The following PCNT variants were observed in gnomAD, a reference collection of about 807,000 sequenced individuals.
The protein encoded by PCNT is pericentrin, also known as kendrin.
A neutral mutation model predicts 380.4 loss-of-function variants in PCNT; 319 were observed. That is an observed-to-expected ratio of 0.84 (90% CI 0.77 to 0.92). The LOEUF (loss-of-function observed/expected upper bound fraction) is 0.92, where lower values mean the gene tolerates loss of function less well. Among genes scored for constraint, PCNT ranks in the 40% least tolerant of loss-of-function variants. The probability of loss-of-function intolerance (pLI) is 0.00; values close to 1 mark genes in which losing one functional copy is unlikely to be tolerated. For missense variants in PCNT, 4,400 were observed against 4,255.3 expected (o/e 1.03, Z -0.95); for synonymous variants, 1,845 against 1,735.2 (o/e 1.06, Z -1.57).
chr21:46,370,911 T>A lies in PCNT; in HGVS notation c.3165+3772T>A, dbSNP rs1034981609. Among the ~76,000 whole-genome samples, 4 of 152,190 alleles carry A rather than the reference T, an allele frequency of 2.6e-5. No homozygotes were observed. The East Asian group carries it at 7.8e-4, about 29-fold the overall frequency. The stretch of plus-strand genomic sequence containing the variant: ...TTAGACAGGCATGGTGGTGGGCGCC[T>A]GTAGTCCCAGCTATTCTGGAGGTTG... On this transcript the variant is annotated intron_variant, in intron 15 of 46. Coordinates refer to ENST00000359568, the MANE Select transcript of PCNT (RefSeq NM_006031.6).
At chr21:46,355,731 C>A in intron 12 of PCNT, 105 bp downstream of exon 12, 1 of 1,116,342 alleles carries the variant, frequency 9.0e-7, no homozygotes, top group Non-Finnish European at 1.3e-6. Flanking sequence ...CGTGAAGCAG[C>A]TGAGTGCTCC....
intron 25 of PCNT, among the ~76,000 whole-genome samples, chr21:46,401,279 T>G (rs1253448661): frequency 6.6e-6 from 1 of 152,228 alleles, no homozygotes; most frequent in African/African-American, 2.4e-5. Context: ...TTGGTAATAG[T>G]TTGGTGAATA....
intron 15 of PCNT, among the ~76,000 whole-genome samples, chr21:46,380,485 G>A (rs753345237): frequency 1.3e-5 from 2 of 151,914 alleles, no homozygotes; most frequent in African/African-American, 2.4e-5. Flanking sequence ...TTTTGACACC[G>A]AGAGCTCTGA....
intron 9 of PCNT, among the ~76,000 whole-genome samples, chr21:46,351,811 T>C (rs2084284025): frequency 6.6e-6 from 1 of 152,156 alleles, no homozygotes; most frequent in Non-Finnish European, 1.5e-5. Flanking sequence ...GGGGGTGCCT[T>C]CATGTCTAAG....
chr21:46,366,805 C>T lies in PCNT; in HGVS notation c.2831C>T (p.Ala944Val), dbSNP rs1470724229. The change falls in exon 15 of 47, where the codon GCA becomes GTA. Residue 944 changes from alanine to valine, a missense_variant. Transcript: ENST00000359568. ...AGCAAGCAGGGGGCTCTGCTGGCTG[C>T]ACGTGTGGCCGAACTGCAGACAAAA... ...LESKQGALLA[A>V]RVAELQTKHA... 1 of 1,613,790 alleles carries T rather than the reference C, an allele frequency of 6.2e-7. No individual in the cohort carries two copies. The highest frequency in any genetic ancestry group is 1.1e-5 in the South Asian group (1 of 91,084).
At chr21:46,357,450 T>A (rs2084518553) in intron 13 of PCNT, among the ~76,000 whole-genome samples, 1 of 152,202 alleles carries the variant, frequency 6.6e-6, no homozygotes, top group Admixed American at 6.5e-5. Flanking sequence ...TCTTTTTGTT[T>A]TGTTTTGTTT....
intron 16 of PCNT, among the ~76,000 whole-genome samples, chr21:46,383,573 T>C (rs1384156238): frequency 3.5e-5 from 5 of 143,930 alleles, no homozygotes; most frequent in African/African-American, 1.0e-4. Context: ...GGAAGTGCAT[T>C]CACAGTGCTG....
intron 15 of PCNT, 118 bp downstream of exon 15, chr21:46,367,257 G>C: frequency 1.2e-6 from 1 of 826,060 alleles, no homozygotes; most frequent in Non-Finnish European, 2.0e-6. Flanking sequence ...GTGTCTGTGT[G>C]TCTCACAGGC....
intron 3 of PCNT, among the ~76,000 whole-genome samples, chr21:46,337,845 A>C (rs1171807929): frequency 1.3e-5 from 2 of 151,924 alleles, no homozygotes; most frequent in Non-Finnish European, 2.9e-5. Flanking sequence ...CGGCCTCCCA[A>C]AGTGCTAGGA....
At chr21:46,340,844 AT>A (rs553012767) in intron 3 of PCNT, among the ~76,000 whole-genome samples, 1 of 150,456 alleles carries the variant, frequency 6.6e-6, no homozygotes. Flanking sequence ...TAATTTTTGT[AT>A]TTTTTTTTAG....
In PCNT at chr21:46,428,473, C is replaced by T. The variant is rs143367154; in HGVS notation, c.7573C>T (p.Arg2525Cys). The change falls in exon 35 of 47, where the codon CGT becomes TGT. Residue 2525 changes from arginine to cysteine, a missense_variant. By Grantham distance (180) the Arg-to-Cys change is radical. Transcript: ENST00000359568. ...CCTGCTGTCCGAGATCCAGGCGCTGCGTGCCCAGCTGCGCATGACGCACCT... is the reference window on the plus strand; with the variant it reads ...CCTGCTGTCCGAGATCCAGGCGCTGTGTGCCCAGCTGCGCATGACGCACCT... ...SSLLSEIQAL[R>C]AQLRMTHLQN... 59 of 1,612,340 alleles carry T rather than the reference C, an allele frequency of 3.7e-5. No individual in the cohort carries two copies. Among genetic ancestry groups the T allele is most frequent in the Non-Finnish European group, 4.4e-5 (52 of 1,179,824 alleles).
intron 16 of PCNT, among the ~76,000 whole-genome samples, chr21:46,384,177 C>T (rs2085725634): frequency 6.9e-6 from 1 of 144,292 alleles, no homozygotes; most frequent in African/African-American, 2.5e-5. Context: ...GCAGCGGAAG[C>T]GCATTCACGG....
chr21:46,409,614 TTTTTTGACACTATC>T (rs2086721582), intron 27 of PCNT, among the ~76,000 whole-genome samples: 1 of 152,232 alleles, frequency 6.6e-6, no homozygotes, highest in African/African-American at 2.4e-5. Context: ...TTTATTTTTC[TTTTTTGACACTATC>T]TTGCTCTGTC....
chr21:46,324,279 G>C lies in PCNT; in HGVS notation c.51G>C (p.Thr17=), dbSNP rs772286933. 9.3e-6 allele frequency: 15 copies of C among 1,610,376 alleles called. No individual in the cohort carries two copies. In the Middle Eastern group the frequency reaches 8.3e-4, roughly 89 times the overall value. Residue 17 remains threonine (T), a synonymous_variant, in exon 1 of 47, where the codon ACG becomes ACC. Transcript: ENST00000359568. ...GCAGAAAGGTGGAGGCCGGGAGGAC[G>C]AAGGTAAACATTAGGGGCTTCTTCT... ...QRRRKVEAGR[T]KLAHFRQRKT...
chr21:46,334,627 A>G lies in PCNT; in HGVS notation c.498A>G (p.Pro166=), dbSNP rs61735824. ...TGTTCACAGTCAGTGACCACCCACCAGAACAGCGTGGGATGTTCACAATCA... is the reference window on the plus strand; with the variant it reads ...TGTTCACAGTCAGTGACCACCCACCGGAACAGCGTGGGATGTTCACAATCA... The part of the protein sequence containing the change: ...HGMFTVSDHP[P]EQRGMFTISD... The change falls in exon 3 of 47, where the codon CCA becomes CCG. Residue 166 remains proline, a synonymous_variant. Coordinates refer to ENST00000359568, the MANE Select transcript of PCNT (RefSeq NM_006031.6). 59,031 of 1,598,466 alleles carry G rather than the reference A, an allele frequency of 0.037. 1,525 individuals carry two copies. Among genetic ancestry groups the G allele is most frequent in the Middle Eastern group, 0.079 (474 of 5,994 alleles).
At chr21:46,430,309 A>G in intron 36 of PCNT, 77 bp downstream of exon 36, 3 of 1,465,512 alleles carry the variant, frequency 2.0e-6, no homozygotes, top group South Asian at 2.4e-5. Context: ...ATGAAGGGAG[A>G]CAGAACCTCT....
chr21:46,411,222 C>T lies in PCNT; in HGVS notation c.5149C>T (p.Leu1717=), dbSNP rs1366504509. Residue 1717 remains leucine, a synonymous_variant, in exon 28 of 47, where the codon CTG becomes TTG. Transcript: ENST00000359568. ...TACCAGAAGTTCTGAGATTGAAGAG[C>T]TGAAAGCCACTATTGAAAATCTGCA... is the stretch of plus-strand genomic sequence containing the variant. ...IYTRSSEIEE[L]KATIENLQEN... The T allele has an allele frequency of 1.2e-6, 2 of 1,613,990 alleles. No individual in the cohort carries two copies. Among genetic ancestry groups the T allele is most frequent in the Non-Finnish European group, 1.7e-6 (2 of 1,180,002 alleles).
intron 2 of PCNT, among the ~76,000 whole-genome samples, chr21:46,329,479 T>G (rs1302234157): frequency 2.6e-5 from 4 of 152,260 alleles, no homozygotes; most frequent in Admixed American, 6.5e-5. Context: ...TATAACATTT[T>G]TTTTCATTTT....
intron 3 of PCNT, among the ~76,000 whole-genome samples, chr21:46,335,628 A>G (rs1414296787): frequency 6.8e-6 from 1 of 147,668 alleles, no homozygotes; most frequent in Non-Finnish European, 1.5e-5. Flanking sequence ...TAGCCATTTG[A>G]TTCTAGCTAG....
Sources: allele counts gnomAD v4.1 joint callset (sites outside exome capture counted in the v4.1 genomes callset), GRCh38; gene constraint gnomAD v4.1.1; transcripts MANE v1.5; gene names NCBI Gene and HGNC (gene_info 2026-07-23, HGNC 2026-07-21).